TRPS1: variants seen among roughly 807,000 people sequenced by gnomAD.
TRPS1 encodes transcriptional repressor GATA binding 1, also known as zinc finger transcription factor Trps1.
Under a neutral mutation model 101.2 loss-of-function variants are expected in TRPS1, and 6 were observed. The observed-to-expected ratio is 0.06, with a 90% CI of 0.03 to 0.12. The LOEUF is 0.12. TRPS1 is among the 10% of genes least tolerant of loss of function. TRPS1 has a pLI of 1.00. For missense variants in TRPS1, 1,363 were observed against 1,567.0 expected (o/e 0.87, Z 2.20); for synonymous variants, 578 against 589.8 (o/e 0.98, Z 0.29).
At chr8:115,446,318 T>C (rs1380714609) in intron 5 of TRPS1, among the ~76,000 whole-genome samples, 1 of 141,558 alleles carries the variant, frequency 7.1e-6, no homozygotes, top group Non-Finnish European at 1.5e-5. Flanking sequence ...AAAAATATTT[T>C]TTTTTCCTGT....
intron 1 of TRPS1, among the ~76,000 whole-genome samples, chr8:115,663,261 T>C (rs1195330078): frequency 6.6e-6 from 1 of 151,964 alleles, no homozygotes; most frequent in Non-Finnish European, 1.5e-5. Flanking sequence ...TTTTTTTTTT[T>C]TTAAATGGCA....
intron 5 of TRPS1, among the ~76,000 whole-genome samples, chr8:115,500,343 T>C (rs1815285568): frequency 6.6e-6 from 1 of 152,024 alleles, no homozygotes; most frequent in African/African-American, 2.4e-5. Flanking sequence ...CTTAAGTTAC[T>C]TAAAAAGTTC....
intron 5 of TRPS1, among the ~76,000 whole-genome samples, chr8:115,575,065 A>G (rs1817285597): frequency 6.6e-6 from 1 of 152,112 alleles, no homozygotes. Context: ...AATAAACTCT[A>G]CTACTGTGTG....
At chr8:115,450,907 C>T (rs539534827) in intron 5 of TRPS1, among the ~76,000 whole-genome samples, 17 of 151,858 alleles carry the variant, frequency 1.1e-4, no homozygotes, top group Non-Finnish European at 2.2e-4. Context: ...TACGAAAACC[C>T]ACAGAACAAC....
intron 5 of TRPS1, among the ~76,000 whole-genome samples, chr8:115,543,675 C>T (rs1210135809): frequency 6.6e-6 from 1 of 152,054 alleles, no homozygotes; most frequent in Admixed American, 6.6e-5. Context: ...AATCTTTCTT[C>T]TTTTTATGTA....
At chr8:115,513,032 T>C (rs1300862949) in intron 5 of TRPS1, among the ~76,000 whole-genome samples, 1 of 151,700 alleles carries the variant, frequency 6.6e-6, no homozygotes, top group Non-Finnish European at 1.5e-5. Flanking sequence ...CCACACCTTC[T>C]TATAGAAACC....
At chr8:115,590,232 T>G (rs12679749) in intron 4 of TRPS1, among the ~76,000 whole-genome samples, 1 of 152,026 alleles carries the variant, frequency 6.6e-6, no homozygotes, top group Admixed American at 6.6e-5. Context: ...CACAATATAT[T>G]GAGTCATGGA....
intron 5 of TRPS1, among the ~76,000 whole-genome samples, chr8:115,425,094 C>T (rs1195911137): frequency 6.6e-6 from 1 of 152,114 alleles, no homozygotes; most frequent in Non-Finnish European, 1.5e-5. Flanking sequence ...GATTAATAGC[C>T]AGACTCTTAC....
chr8:115,641,658 T>C (rs1398672759), intron 1 of TRPS1, among the ~76,000 whole-genome samples: 1 of 152,152 alleles, frequency 6.6e-6, no homozygotes, highest in Non-Finnish European at 1.5e-5. Flanking sequence ...GGCAGGTGGA[T>C]CACCTGAGGT....
intron 5 of TRPS1, among the ~76,000 whole-genome samples, chr8:115,481,611 C>T (rs999463989): frequency 1.3e-5 from 2 of 152,146 alleles, no homozygotes; most frequent in African/African-American, 4.8e-5. Context: ...ATCTGAGCAA[C>T]TACTTTCAGT....
At chr8:115,661,462 C>T (rs1420093633) in intron 1 of TRPS1, 1 of 152,008 alleles carries the variant, frequency 6.6e-6, no homozygotes, top group African/African-American at 2.4e-5. Flanking sequence ...GCAAAGCTAT[C>T]GTGAGTACTT....
chr8:115,419,245 G>T (rs1054742702), intron 5 of TRPS1, among the ~76,000 whole-genome samples: 1 of 152,030 alleles, frequency 6.6e-6, no homozygotes, highest in Non-Finnish European at 1.5e-5. Flanking sequence ...TTTAAAACTA[G>T]ATAATTAGTA....
At chr8:115,616,524 A>AT (rs1818279639) in intron 3 of TRPS1, among the ~76,000 whole-genome samples, 1 of 144,796 alleles carries the variant, frequency 6.9e-6, no homozygotes, top group Admixed American at 6.8e-5. Context: ...GGCTTCTGTT[A>AT]CTTTTTTTTT....
intron 5 of TRPS1, among the ~76,000 whole-genome samples, chr8:115,419,955 T>C (rs73367435): frequency 0.093 from 14,171 of 152,174 alleles, 2,219 homozygotes; most frequent in African/African-American, 0.32. Context: ...GCTGGTAAGC[T>C]GCACAGCCAT....
chr8:115,419,526 G>A (rs1370755486), intron 5 of TRPS1, among the ~76,000 whole-genome samples: 1 of 152,122 alleles, frequency 6.6e-6, no homozygotes, highest in Non-Finnish European at 1.5e-5. Flanking sequence ...AATATTACAT[G>A]TGCCATAAGT....
intron 5 of TRPS1, among the ~76,000 whole-genome samples, chr8:115,491,504 C>T (rs1815019986): frequency 6.6e-6 from 1 of 152,094 alleles, no homozygotes; most frequent in African/African-American, 2.4e-5. Context: ...GTGGAGTGTG[C>T]TGGCGTATGC....
intron 5 of TRPS1, among the ~76,000 whole-genome samples, chr8:115,445,956 G>A (rs576746077): frequency 3.3e-5 from 5 of 152,116 alleles, no homozygotes; most frequent in Non-Finnish European, 7.4e-5. Context: ...TTATTATGAA[G>A]TTTTTTTCCC....
chr8:115,635,294 T>G (rs1487992019), intron 1 of TRPS1, among the ~76,000 whole-genome samples: 1 of 152,172 alleles, frequency 6.6e-6, no homozygotes, highest in African/African-American at 2.4e-5. Context: ...TGAGAATTTT[T>G]TTTTCCCCAG....
chr8:115,500,703 G>A (rs1194725663), intron 5 of TRPS1, among the ~76,000 whole-genome samples: 1 of 152,028 alleles, frequency 6.6e-6, no homozygotes, highest in Non-Finnish European at 1.5e-5. Context: ...CCGAGTAGCT[G>A]GGACTACAGG....
Sources: allele counts gnomAD v4.1 joint callset (sites outside exome capture counted in the v4.1 genomes callset), GRCh38; gene constraint gnomAD v4.1.1; transcripts MANE v1.5; gene names NCBI Gene and HGNC (gene_info 2026-07-23, HGNC 2026-07-21).